Variants in ANK3 observed in about 807,000 individuals in gnomAD.
ANK3 encodes ankyrin-3.
In ANK3, 57 loss-of-function variants were observed where a neutral mutation model predicts 370.9. The ratio of observed to expected loss-of-function variants is 0.15; its 90% CI spans 0.12 to 0.19. The LOEUF (loss-of-function observed/expected upper bound fraction) is 0.19, where lower values mean the gene tolerates loss of function less well. Ranked by LOEUF, ANK3 falls within the 10% of genes least tolerant of loss-of-function variation. The pLI is 1.00. For missense variants in ANK3, 4,439 were observed against 5,302.1 expected, an observed-to-expected ratio of 0.84 and a Z score of 5.06; for synonymous variants, 1,929 against 1,946.3, an observed-to-expected ratio of 0.99 and a Z score of 0.23.
chr10:60,487,164 A>AT (rs956930820), intron 2 of ANK3, among the ~76,000 whole-genome samples: 2 of 152,228 alleles, frequency 1.3e-5, no homozygotes, highest in Non-Finnish European at 1.5e-5. Flanking sequence ...TACTATCAAT[A>AT]TTTTTTTGGA....
Position 60,069,181 on chromosome 10 carries a change from G to C in ANK3, c.11700C>G (p.Ala3900=). The C allele has an allele frequency of 6.2e-7, 1 of 1,614,122 alleles. No homozygotes were observed. Among genetic ancestry groups the C allele is most frequent in the Non-Finnish European group, 8.5e-7 (1 of 1,180,016 alleles). The part of the protein sequence containing the change: ...KQVSQSEKTK[A]LTTSSCVDVK... ...CATCTACACATGAAGAAGTAGTAAGGGCTTTGGTTTTCTCGGATTGACTAA... is the reference window on the plus strand; with the variant it reads ...CATCTACACATGAAGAAGTAGTAAGCGCTTTGGTTTTCTCGGATTGACTAA... The change falls in exon 37 of 44, where the codon GCC becomes GCG. Residue 3900 remains alanine, a synonymous_variant. Coordinates refer to ENST00000280772, the MANE Select transcript of ANK3 (RefSeq NM_020987.5).
intron 1 of ANK3, among the ~76,000 whole-genome samples, chr10:60,281,555 G>A (rs1038368756): frequency 6.6e-6 from 1 of 152,186 alleles, no homozygotes; most frequent in East Asian, 1.9e-4. Flanking sequence ...ACAAGGCAAT[G>A]TGACTCCATG....
At chr10:60,415,926 C>CCCT in intron 2 of ANK3, among the ~76,000 whole-genome samples, 1 of 125,670 alleles carries the variant, frequency 8.0e-6, no homozygotes, top group South Asian at 3.1e-4. Flanking sequence ...GCCCCCCACC[C>CCCT]CCCCGCCATT....
chr10:60,564,853 G>A (rs1308805852), intron 2 of ANK3, among the ~76,000 whole-genome samples: 1 of 152,122 alleles, frequency 6.6e-6, no homozygotes, highest in Non-Finnish European at 1.5e-5. Context: ...GATGGAAAAG[G>A]CAGCTGAACT....
chr10:60,402,510 T>G (rs192094025), intron 2 of ANK3, among the ~76,000 whole-genome samples: 13 of 152,350 alleles, frequency 8.5e-5, no homozygotes, highest in African/African-American at 3.1e-4. Context: ...TGATCCTATA[T>G]GCACACTCAC....
At chr10:60,497,107 G>T (rs1457084058) in intron 2 of ANK3, among the ~76,000 whole-genome samples, 1 of 152,106 alleles carries the variant, frequency 6.6e-6, no homozygotes, top group East Asian at 1.9e-4. Flanking sequence ...TTTGAGACCA[G>T]CCTGGGCAAC....
chr10:60,317,036 G>A (rs1034030100), intron 1 of ANK3, among the ~76,000 whole-genome samples: 4 of 152,114 alleles, frequency 2.6e-5, no homozygotes, highest in African/African-American at 7.2e-5. Context: ...GTGAGCCACC[G>A]TGCCTGGCCC....
intron 12 of ANK3, among the ~76,000 whole-genome samples, chr10:60,202,676 G>A (rs550066227): frequency 1.2e-3 from 181 of 152,256 alleles, no homozygotes; most frequent in Middle Eastern, 6.8e-3. Context: ...GGAGGCCAGC[G>A]CAGGAGGATT....
chr10:60,300,293 T>C (rs764030344), intron 1 of ANK3: 1 of 1,213,140 alleles, frequency 8.2e-7, no homozygotes, highest in South Asian at 1.3e-5. Context: ...GAAAGTACAT[T>C]TCATTTAGGA....
intron 25 of ANK3, among the ~76,000 whole-genome samples, chr10:60,119,978 G>A (rs1268796722): frequency 1.3e-5 from 2 of 151,840 alleles, no homozygotes; most frequent in African/African-American, 2.4e-5. Context: ...AATGTATGTG[G>A]AACTACAAAA....
At chr10:60,447,190 T>TC (rs764508150) in intron 2 of ANK3, among the ~76,000 whole-genome samples, 2 of 152,084 alleles carry the variant, frequency 1.3e-5, no homozygotes, top group Non-Finnish European at 2.9e-5. Context: ...CTAGAGGGCT[T>TC]CCCTCAGAGA....
chr10:60,152,193 G>C (rs1351007943), intron 23 of ANK3, among the ~76,000 whole-genome samples: 2 of 152,192 alleles, frequency 1.3e-5, no homozygotes, highest in African/African-American at 2.4e-5. Flanking sequence ...GACTAGTCTA[G>C]TTTGAAAGAA....
rs1427749817 is a variant in ANK3, at chr10:60,075,393, C to G, written c.5488G>C (p.Val1830Leu). Residue 1830 changes from valine (V) to leucine (L), a missense_variant, in exon 37 of 44, where the codon GTT (valine) becomes CTT (leucine). Physicochemically the swap from Val to Leu is conservative, Grantham distance 32. Transcript: ENST00000280772. ...TTCTTTAATGCTGGTTCTGGCAAAA[C>G]ATTGACTACAGAGTATACTGGCACT... ...ITVPVYSVVNVLPEPALKKLP... is the reference protein window; with the variant it reads ...ITVPVYSVVNLLPEPALKKLP... The G allele has an allele frequency of 4.3e-6, 7 of 1,613,840 alleles. No homozygotes were observed. In the South Asian group the frequency reaches 6.6e-5, roughly 15 times the overall value.
intron 43 of ANK3, 84 bp downstream of exon 43, chr10:60,042,588 G>T (rs1252981013): frequency 1.4e-5 from 19 of 1,334,396 alleles, no homozygotes; most frequent in Non-Finnish European, 2.0e-5. Flanking sequence ...AAAGGACGGG[G>T]AAAATCAGAA....
At chr10:60,490,180 A>C (rs2075456587) in intron 2 of ANK3, among the ~76,000 whole-genome samples, 1 of 152,180 alleles carries the variant, frequency 6.6e-6, no homozygotes, top group South Asian at 2.1e-4. Flanking sequence ...TTTATTATTC[A>C]AAGCATGAAT....
intron 25 of ANK3, among the ~76,000 whole-genome samples, chr10:60,125,032 G>C (rs911918189): frequency 1.3e-5 from 2 of 151,906 alleles, no homozygotes; most frequent in African/African-American, 4.8e-5. Flanking sequence ...GATAGTAGTA[G>C]GTTTAAACAT....
chr10:60,521,698 A>G (rs996494570), intron 2 of ANK3, among the ~76,000 whole-genome samples: 4 of 152,116 alleles, frequency 2.6e-5, no homozygotes, highest in African/African-American at 9.7e-5. Flanking sequence ...GTGGTTTCTT[A>G]GAAGCCATTC....
At chr10:60,161,329 C>T (rs1306607859) in intron 23 of ANK3, among the ~76,000 whole-genome samples, 3 of 151,988 alleles carry the variant, frequency 2.0e-5, no homozygotes, top group African/African-American at 7.3e-5. Flanking sequence ...TATGGAGGTT[C>T]CTCAAAAAAC....
chr10:60,196,053 G>A, intron 16 of ANK3, 92 bp downstream of exon 16: 1 of 1,110,050 alleles, frequency 9.0e-7, no homozygotes, highest in Non-Finnish European at 1.3e-6. Flanking sequence ...CCTAAACTAG[G>A]AGGGTGCTCC....
Sources: allele counts gnomAD v4.1 joint callset (sites outside exome capture counted in the v4.1 genomes callset), GRCh38; gene constraint gnomAD v4.1.1; transcripts MANE v1.5; gene names NCBI Gene and HGNC (gene_info 2026-07-23, HGNC 2026-07-21).